Variants in HDX observed in about 807,000 individuals in gnomAD.
HDX encodes chromosome X open reading frame 43.
Under a neutral mutation model 45.2 loss-of-function variants are expected in HDX, and 19 were observed. The observed-to-expected ratio is 0.42, with a 90% CI of 0.29 to 0.62. The LOEUF (loss-of-function observed/expected upper bound fraction) is 0.62. Among genes scored for constraint, HDX ranks in the 20% least tolerant of loss-of-function variants. HDX has a pLI of 0.20. For synonymous variants in HDX, 188 were observed against 172.8 expected (o/e 1.09, Z -0.69); for missense variants, 532 against 493.9 (o/e 1.08, Z -0.73).
chrX:84,474,290 T>C (rs1197510759), intron 3 of HDX, among the ~76,000 whole-genome samples: 1 of 111,618 alleles, frequency 9.0e-6, no homozygotes, highest in African/African-American at 3.3e-5. Flanking sequence ...GAAACTCCGT[T>C]TCAAAAAAAA....
intron 4 of HDX, among the ~76,000 whole-genome samples, chrX:84,459,441 CAAAA>C (rs554783816): frequency 1.4e-5 from 1 of 73,912 alleles, no homozygotes; most frequent in Non-Finnish European, 2.6e-5. Context: ...GACTCGATCT[CAAAA>C]AAAAAAAAGA....
chrX:84,338,067 C>T (rs1180804893), intron 7 of HDX, among the ~76,000 whole-genome samples: 1 of 111,140 alleles, frequency 9.0e-6, no homozygotes, highest in East Asian at 2.8e-4. Context: ...TTTACTTCAC[C>T]TTAGGAAGCA....
rs751282620 is a variant in HDX, at chrX:84,396,304, TATG to T, written c.1306-34695_1306-34693del. 3.0e-4 allele frequency among the ~76,000 whole-genome samples: 34 copies of T among 112,471 alleles called. 1 individual carries two copies. The highest frequency in any genetic ancestry group is 6.0e-4 in the Non-Finnish European group (32 of 53,314). ...GGTGCATGCAGTAGAATACTCGCTGTATGATTTCTTTTTCTGTAAATAGCATTA... is the reference window on the plus strand; with the variant it reads ...GGTGCATGCAGTAGAATACTCGCTGTATTTCTTTTTCTGTAAATAGCATTA... On this transcript the variant is annotated intron_variant, in intron 5 of 10. Coordinates refer to ENST00000373177, the MANE Select transcript of HDX (RefSeq NM_001177479.2).
At chrX:84,497,411 T>G (rs1233355848) in intron 1 of HDX, among the ~76,000 whole-genome samples, 1 of 111,533 alleles carries the variant, frequency 9.0e-6, no homozygotes, top group Non-Finnish European at 1.9e-5. Context: ...AATTAGTGTA[T>G]TAGAAAAGTT....
chrX:84,470,054 A>G (rs745340276), intron 3 of HDX, among the ~76,000 whole-genome samples: 2 of 112,112 alleles, frequency 1.8e-5, no homozygotes, highest in African/African-American at 6.5e-5. Flanking sequence ...ACACATTTGC[A>G]ATCTTTAGAC....
intron 4 of HDX, among the ~76,000 whole-genome samples, chrX:84,460,136 A>G (rs1289936542): frequency 9.0e-6 from 1 of 111,705 alleles, no homozygotes; most frequent in Non-Finnish European, 1.9e-5. Context: ...TGCTACTCAA[A>G]CTATTCCAAA....
intron 5 of HDX, among the ~76,000 whole-genome samples, chrX:84,413,532 T>C (rs765930552): frequency 9.0e-6 from 1 of 111,521 alleles, no homozygotes; most frequent in East Asian, 2.8e-4. Context: ...AGCCAATGTG[T>C]TCCTGGTCTG....
At chrX:84,411,931 T>C (rs28759843) in intron 5 of HDX, among the ~76,000 whole-genome samples, 4,451 of 111,585 alleles carry the variant, frequency 0.04, 215 homozygotes, top group African/African-American at 0.14. Flanking sequence ...CTCCTTTGTA[T>C]TTTTTTATCA....
At chrX:84,466,315 A>G (rs929991320) in intron 4 of HDX, among the ~76,000 whole-genome samples, 1 of 111,794 alleles carries the variant, frequency 8.9e-6, no homozygotes, top group Non-Finnish European at 1.9e-5. Flanking sequence ...ATTTCCTGTC[A>G]CAAGATTCCT....
chrX:84,373,710 T>C (rs1325631164), intron 5 of HDX, among the ~76,000 whole-genome samples: 6 of 110,413 alleles, frequency 5.4e-5, no homozygotes, highest in Admixed American at 1.9e-4. Flanking sequence ...ATTCAACAAC[T>C]CTTCATGCTA....
At chrX:84,435,303 G>A (rs2039596736) in intron 5 of HDX, among the ~76,000 whole-genome samples, 1 of 111,349 alleles carries the variant, frequency 9.0e-6, no homozygotes, top group African/African-American at 3.3e-5. Context: ...GCATTTCTCT[G>A]ATGGCCAGTG....
intron 5 of HDX, among the ~76,000 whole-genome samples, chrX:84,424,228 A>C (rs1229302217): frequency 1.8e-5 from 2 of 111,652 alleles, no homozygotes; most frequent in Admixed American, 1.9e-4. Context: ...GGACACAAAT[A>C]CACTTAAATA....
At chrX:84,330,293 G>A (rs1051504719) in intron 9 of HDX, among the ~76,000 whole-genome samples, 10 of 111,379 alleles carry the variant, frequency 9.0e-5, no homozygotes, top group African/African-American at 3.3e-4. Flanking sequence ...CTGGCAAACT[G>A]GTCTCAAAAT....
At position 84,435,633 on chromosome X, in the gene HDX, G is replaced by C. The variant is rs781685854; in HGVS notation, c.1305+4899C>G. ...TTGGTGTTTTGGACATGAAGTCCTTGCCCACGCCTATGTCCTGAATGGTAA... is the reference window on the plus strand; with the variant it reads ...TTGGTGTTTTGGACATGAAGTCCTTCCCCACGCCTATGTCCTGAATGGTAA... On this transcript the variant is annotated intron_variant, in intron 5 of 10. Coordinates refer to ENST00000373177, the MANE Select transcript of HDX (RefSeq NM_001177479.2). Among the ~76,000 whole-genome samples, 216 of 105,055 alleles carry C rather than the reference G, an allele frequency of 2.1e-3. 1 individual carries two copies. The highest frequency in any genetic ancestry group is 7.2e-3 in the African/African-American group (210 of 28,981). 91.2% of individuals were successfully genotyped at this position (105,055 alleles called of 115,157 possible). A position where few individuals can be genotyped will look rare whatever the true frequency, so the allele number is the denominator to read the frequency against.
chrX:84,322,053 ATAGATTGTTTTCCAAT>A, intron 10 of HDX, 39 bp from the exon 11 acceptor site: 1 of 964,459 alleles, frequency 1.0e-6, no homozygotes, highest in East Asian at 3.5e-5. Flanking sequence ...TAGTATGTGG[ATAGATTGTTTTCCAAT>A]TTATATTAAT....
intron 4 of HDX, among the ~76,000 whole-genome samples, chrX:84,448,124 C>T (rs188073157): frequency 3.5e-4 from 39 of 111,790 alleles, no homozygotes; most frequent in Admixed American, 2.3e-3. Context: ...TGTAGGTTAC[C>T]CCGCCCCATC....
intron 5 of HDX, among the ~76,000 whole-genome samples, chrX:84,431,097 C>A (rs2039495651): frequency 9.0e-6 from 1 of 110,790 alleles, no homozygotes; most frequent in Non-Finnish European, 1.9e-5. Context: ...TTAGTTTTCA[C>A]TTGTAAGTGA....
intron 5 of HDX, among the ~76,000 whole-genome samples, chrX:84,377,445 C>T (rs2038083856): frequency 9.0e-6 from 1 of 111,474 alleles, no homozygotes; most frequent in Non-Finnish European, 1.9e-5. Context: ...AGATATGTTA[C>T]CTTTCAGACA....
At chrX:84,371,609 A>G (rs1234633667) in intron 5 of HDX, among the ~76,000 whole-genome samples, 2 of 111,762 alleles carry the variant, frequency 1.8e-5, no homozygotes, top group Non-Finnish European at 3.8e-5. Flanking sequence ...ATTTCTGTAT[A>G]TTTAAAGCAG....
Sources: gnomAD v4.1 joint callset for allele counts (sites outside exome capture counted in the v4.1 genomes callset) on GRCh38, gnomAD v4.1.1 for gene constraint, MANE v1.5 for transcripts, NCBI Gene and HGNC (gene_info 2026-07-23, HGNC 2026-07-21) for gene names.